The following GRTP1 variants were observed in gnomAD, a reference collection of about 807,000 sequenced individuals.
GRTP1 encodes the protein growth hormone-regulated TBC protein 1.
Under a neutral mutation model 38.1 loss-of-function variants are expected in GRTP1, and 56 were observed. The ratio of observed to expected loss-of-function variants is 1.47; its 90% CI spans 1.19 to 1.84. GRTP1 has a LOEUF of 1.84. Among genes scored for constraint, GRTP1 ranks in the 40% most tolerant of loss-of-function variants. The probability of loss-of-function intolerance (pLI) is 0.00; values close to 1 mark genes in which losing one functional copy is unlikely to be tolerated. For missense variants in GRTP1, 506 were observed against 453.9 expected (o/e 1.11, Z -1.04); for synonymous variants, 217 against 189.5 (o/e 1.14, Z -1.19).
Position 113,324,291 on chromosome 13 carries a change from A to ATGAC in GRTP1, c.*193_*196dup. The ATGAC allele has an allele frequency of 1.4e-6, 1 of 703,614 alleles. No individual in the cohort carries two copies. Among genetic ancestry groups the ATGAC allele is most frequent in the Non-Finnish European group, 2.0e-6 (1 of 491,588 alleles). The allele number at this position is 703,614 out of a possible 1,614,324, so 43.6% of individuals were successfully genotyped here. A position where few individuals can be genotyped will look rare whatever the true frequency, so the allele number is the denominator to read the frequency against. On this transcript the variant is annotated 3_prime_UTR_variant, in exon 8 of 8. Coordinates refer to ENST00000375431, the MANE Select transcript of GRTP1 (RefSeq NM_024719.4). ...TAAAAATAAGTTTTCTTTAAAAAGT[A>ATGAC]TGACTTCATAGCTAATCATCAAAAG...
chr13:113,349,445 G>T lies in GRTP1; in HGVS notation c.465+1404C>A, dbSNP rs2139488874. Among the ~76,000 whole-genome samples, 2 of 152,352 alleles carry T rather than the reference G, an allele frequency of 1.3e-5. No individual in the cohort carries two copies. Among genetic ancestry groups the T allele is most frequent in the Non-Finnish European group, 2.9e-5 (2 of 68,038 alleles). ...ATAAAGCTGTTTTTAAAACACAAAGGAGCAGTAAATAGAATGATGTAGAGG... is the reference window on the plus strand; with the variant it reads ...ATAAAGCTGTTTTTAAAACACAAAGTAGCAGTAAATAGAATGATGTAGAGG... On this transcript the variant is annotated intron_variant, in intron 4 of 7. Transcript: ENST00000375431. The surrounding 1 kb of genome is among the most constrained non-coding windows in gnomAD (Gnocchi z 5.0).
At chr13:113,355,529 C>G (rs754867892) in intron 2 of GRTP1, 48 bp from the exon 3 acceptor site, 1 of 1,531,740 alleles carries the variant, frequency 6.5e-7, no homozygotes, top group Non-Finnish European at 8.8e-7. Flanking sequence ...CAGGGGCCTG[C>G]GGGGCCCACG....
At chr13:113,333,338 C>A (rs2042903608) in intron 5 of GRTP1, among the ~76,000 whole-genome samples, 1 of 152,120 alleles carries the variant, frequency 6.6e-6, no homozygotes, top group South Asian at 2.1e-4. Context: ...CAGCACAGAG[C>A]AGTGTGGTCA....
chr13:113,346,032 AGACATCTGTGGCCGAGAG>A (rs2139458476), intron 4 of GRTP1, among the ~76,000 whole-genome samples: 1 of 31,744 alleles, frequency 3.2e-5, no homozygotes, highest in African/African-American at 1.2e-4. Flanking sequence ...AGACCTGGGA[AGACATCTGTGGCCGAGAG>A]CAGACCCGGG....
At chr13:113,325,176 C>G (rs920787413) in intron 7 of GRTP1, 8 of 1,058,204 alleles carry the variant, frequency 7.6e-6, no homozygotes, top group Non-Finnish European at 9.1e-6. Context: ...AAATACCGCC[C>G]ACGTTTGCCA....
chr13:113,347,275 C>T (rs867540185), intron 4 of GRTP1, among the ~76,000 whole-genome samples: 10 of 54,194 alleles, frequency 1.8e-4, no homozygotes, highest in African/African-American at 8.6e-4. Context: ...AGAGCAGACC[C>T]GGGAGGACCT....
intron 5 of GRTP1, among the ~76,000 whole-genome samples, chr13:113,336,343 A>AT (rs2042954599): frequency 7.9e-6 from 1 of 126,238 alleles, no homozygotes; most frequent in African/African-American, 3.0e-5. Context: ...GTAAAATTTA[A>AT]TTAAAAAACA....
At chr13:113,361,802 T>G (rs925917035) in intron 2 of GRTP1, 1 of 152,222 alleles carries the variant, frequency 6.6e-6, no homozygotes, top group Non-Finnish European at 1.5e-5. Flanking sequence ...GCTTTTTAAG[T>G]TCACATGTCT....
At chr13:113,338,609 C>A (rs2042986198) in intron 5 of GRTP1, among the ~76,000 whole-genome samples, 1 of 152,142 alleles carries the variant, frequency 6.6e-6, no homozygotes. Context: ...CAGTCTCGGC[C>A]TCCTCCAAGG....
chr13:113,348,674 G>A lies in GRTP1; in HGVS notation c.465+2175C>T, dbSNP rs151198645. Among the ~76,000 whole-genome samples the A allele has an allele frequency of 6.6e-4, 100 of 152,254 alleles. No homozygotes were observed. Among genetic ancestry groups the A allele is most frequent in the African/African-American group, 1.3e-3 (55 of 41,536 alleles). On this transcript the variant is annotated intron_variant, in intron 4 of 7. Transcript: ENST00000375431. This position sits in a 1 kb window ranked among gnomAD's most constrained non-coding sequence, Gnocchi z 4.8. ...TAGACACAGGCATGCACAGGAGAAC[G>A]CACATGGAGATGGAGGCAGAGATTG...
Position 113,363,761 on chromosome 13 carries a change from C to A in GRTP1, c.181+1G>T. 1 of 1,607,870 alleles carries A rather than the reference C, an allele frequency of 6.2e-7. No homozygotes were observed. Among genetic ancestry groups the A allele is most frequent in the Non-Finnish European group, 8.5e-7 (1 of 1,178,062 alleles). ...GACCCACCTGCGCCCCCGGGACCCA[C>A]CTGTCCGGCTCCTGGGGACGCCCCC... is the stretch of plus-strand genomic sequence containing the variant. On this transcript the variant is annotated splice_donor_variant, in intron 2 of 7. Transcript: ENST00000375431. LOFTEE classifies it high-confidence loss of function.
intron 2 of GRTP1, 108 bp downstream of exon 2, chr13:113,363,654 G>C (rs142635703): frequency 4.2e-6 from 5 of 1,178,928 alleles, no homozygotes; most frequent in Non-Finnish European, 5.9e-6. Flanking sequence ...CGACCTGCCC[G>C]GAAAGGTTCC....
Position 113,325,764 on chromosome 13 carries a change from T to C in GRTP1, c.818A>G (p.His273Arg). The part of the protein sequence containing the change: ...FRVALTLIKQ[H>R]QELILEATSV... ...GGTGGCTTCCAAAATCAACTCCTGG[T>C]GCTGCTTAATTAAGGTCAGGGCCAC... is the stretch of plus-strand genomic sequence containing the variant. Residue 273 changes from histidine to arginine, a missense_variant, in exon 7 of 8, where the codon CAC (histidine) becomes CGC (arginine). His to Arg is a conservative substitution (Grantham distance 29). Transcript: ENST00000375431. 6.2e-7 allele frequency: 1 copy of C among 1,614,198 alleles called. No homozygotes were observed. Among genetic ancestry groups the C allele is most frequent in the Non-Finnish European group, 8.5e-7 (1 of 1,180,030 alleles).
intron 3 of GRTP1, among the ~76,000 whole-genome samples, chr13:113,353,879 C>G (rs996375480): frequency 6.6e-6 from 1 of 152,036 alleles, no homozygotes; most frequent in Non-Finnish European, 1.5e-5. Flanking sequence ...AGACCAAAAC[C>G]CCATCTCTGC....
In GRTP1 at chr13:113,343,265, G is replaced by C. The variant is rs528246244; in HGVS notation, c.562+1598C>G. ...AATTTCACCATTCCACCTGGTCCAG[G>C]TGTTCACCGAACTGAGCTGAGACAG... On this transcript the variant is annotated intron_variant, in intron 5 of 7. Coordinates refer to ENST00000375431, the MANE Select transcript of GRTP1 (RefSeq NM_024719.4). The surrounding 1 kb of genome is among the most constrained non-coding windows in gnomAD (Gnocchi z 4.8). Among the ~76,000 whole-genome samples, 36 of 152,182 alleles carry C rather than the reference G, an allele frequency of 2.4e-4. No individual in the cohort carries two copies. Among genetic ancestry groups the C allele is most frequent in the African/African-American group, 8.4e-4 (35 of 41,528 alleles).
chr13:113,326,025 G>A lies in GRTP1; in HGVS notation c.629C>T (p.Ala210Val), dbSNP rs147347272. ...CAGGGCCCCCACAGCCGGCAGCTTC[G>A]CCCGCACCAGCTCCCCGAGGACCTC... ...DQEVLGELVR[A>V]KLPAVGALME... Residue 210 changes from alanine (A) to valine (V), a missense_variant, in exon 6 of 8, where the codon GCG becomes GTG. Transcript: ENST00000375431. 314 of 1,612,910 alleles carry A rather than the reference G, an allele frequency of 1.9e-4. No individual in the cohort carries two copies. Among genetic ancestry groups the A allele is most frequent in the Admixed American group, 6.2e-4 (37 of 59,976 alleles).
intron 4 of GRTP1, 64 bp downstream of exon 4, chr13:113,350,785 C>T (rs947784019): frequency 7.0e-7 from 1 of 1,422,374 alleles, no homozygotes; most frequent in Non-Finnish European, 9.4e-7. Context: ...ACTGCCGAGC[C>T]TGCAGCTGTG....
intron 3 of GRTP1, chr13:113,351,856 A>G (rs1333058391): frequency 6.6e-6 from 1 of 152,260 alleles, no homozygotes; most frequent in Non-Finnish European, 1.5e-5. Flanking sequence ...TTTCTGCACA[A>G]GTTCCAAGAT....
intron 5 of GRTP1, among the ~76,000 whole-genome samples, chr13:113,332,255 ACG>A (rs1566416953): frequency 4.4e-4 from 67 of 151,870 alleles, no homozygotes; most frequent in African/African-American, 1.5e-3. Context: ...ACACGTGCAC[ACG>A]CACACCACAC....
Sources: allele counts gnomAD v4.1 joint callset (sites outside exome capture counted in the v4.1 genomes callset), GRCh38; gene constraint gnomAD v4.1.1; non-coding constraint Gnocchi (gnomAD v3.1); transcripts MANE v1.5; gene names NCBI Gene and HGNC (gene_info 2026-07-23, HGNC 2026-07-21).